Variants in GJC1 observed in about 807,000 individuals in gnomAD.
GJC1 encodes gap junction protein gamma 1.
In GJC1, 5 loss-of-function variants were observed where a neutral mutation model predicts 29.3. That is an observed-to-expected ratio of 0.17 (90% CI 0.09 to 0.36). GJC1 has a LOEUF of 0.36. Ranked by LOEUF, GJC1 falls within the 10% of genes least tolerant of loss-of-function variation. The pLI is 1.00. For synonymous variants in GJC1, 177 were observed against 183.3 expected (o/e 0.97, Z 0.28); for missense variants, 310 against 496.2 (o/e 0.62, Z 3.56).
At chr17:44,818,245 C>T (rs546157272) in intron 1 of GJC1, among the ~76,000 whole-genome samples, 41 of 152,014 alleles carry the variant, frequency 2.7e-4, no homozygotes, top group African/African-American at 9.6e-4. Context: ...AAAAAATGCA[C>T]AAACACCAGA....
At chr17:44,821,697 C>CAAAAAAAAAAAA (rs61303163) in intron 1 of GJC1, among the ~76,000 whole-genome samples, 18 of 58,360 alleles carry the variant, frequency 3.1e-4, no homozygotes, top group African/African-American at 5.4e-4. Context: ...AACTCCGTCT[C>CAAAAAAAAAAAA]AAAAAAAAAA....
At chr17:44,807,710 C>T (rs1417136144) in intron 1 of GJC1, 1 of 152,136 alleles carries the variant, frequency 6.6e-6, no homozygotes, top group East Asian at 1.9e-4. Flanking sequence ...GAATATACGA[C>T]AGGAAGATGC....
At chr17:44,824,808 T>C (rs992392214) in intron 1 of GJC1, among the ~76,000 whole-genome samples, 5 of 95,996 alleles carry the variant, frequency 5.2e-5, no homozygotes, top group Non-Finnish European at 2.1e-5. Flanking sequence ...AAGACTGTCT[T>C]AAAAAAAAAA....
rs572849213 is a variant in GJC1, at chr17:44,807,184, A to G, written c.-21+210T>C. Among the ~76,000 whole-genome samples the G allele has an allele frequency of 7.7e-4, 118 of 152,350 alleles. 1 individual carries two copies. The highest frequency in any genetic ancestry group is 9.6e-4 in the Non-Finnish European group (65 of 68,032). On this transcript the variant is annotated intron_variant, in intron 2 of 2. Transcript: ENST00000592524. ...CAACAGCAAATCCATTTAAAACAGC[A>G]TTTTAAAGGACAGATTCTTTCTGAG...
At chr17:44,812,256 C>T (rs2049991347) in intron 1 of GJC1, among the ~76,000 whole-genome samples, 2 of 152,056 alleles carry the variant, frequency 1.3e-5, no homozygotes, top group African/African-American at 2.4e-5. Context: ...ACCAGGGAGG[C>T]AGAGGCTGCA....
chr17:44,805,351 C>G lies in GJC1; in HGVS notation c.467G>C (p.Ser156Thr). ...GCCATCATGCTTAGGTTTGGGTTGG[C>G]TCTGCTCTTTATTTTCCTTATCACT... ...LESDKENKEQSQPKPKHDGRR... is the reference protein window; with the variant it reads ...LESDKENKEQTQPKPKHDGRR... Residue 156 changes from serine (S) to threonine (T), a missense_variant, in exon 3 of 3, where the codon AGC becomes ACC. By Grantham distance (58) the Ser-to-Thr change is moderately conservative (BLOSUM62 1). This residue lies in a region of GJC1 where 82 missense variants were observed against 100.7 expected (regional missense o/e 0.81). Transcript: ENST00000592524. The surrounding 1 kb of genome is among the most constrained non-coding windows in gnomAD (Gnocchi z 5.1). 6.2e-7 allele frequency: 1 copy of G among 1,614,192 alleles called. No homozygotes were observed.
chr17:44,804,876 G>A lies in GJC1; in HGVS notation c.942C>T (p.Asn314=). 6.2e-7 allele frequency: 1 copy of A among 1,614,164 alleles called. No homozygotes were observed. Among genetic ancestry groups the A allele is most frequent in the Non-Finnish European group, 8.5e-7 (1 of 1,180,024 alleles). Residue 314 remains asparagine, a synonymous_variant, in exon 3 of 3, where the codon AAC becomes AAT. Transcript: ENST00000592524. ...GCTGTTCCTGGGCTGTGTTGGCCTT[G>A]TTTTGCTTGTAGGCGATCTTAGCAT... ...LSNAKIAYKQ[N]KANTAQEQQY...
In GJC1 at chr17:44,799,690, G is replaced by T; in HGVS notation, c.*4937C>A. The T allele has an allele frequency of 6.6e-6, 1 of 152,394 alleles. No homozygotes were observed. The allele number at this position is 152,394 out of a possible 1,614,324, so 9.4% of individuals were successfully genotyped here. ...TCCCAGCACCTTCGGAGGCTGTGAT[G>T]GGAGGATTGCTTGGGCCCAGGAGTT... On this transcript the variant is annotated 3_prime_UTR_variant, in exon 3 of 3. Coordinates refer to ENST00000592524, the MANE Select transcript of GJC1 (RefSeq NM_005497.4).
At chr17:44,820,228 C>T (rs577722632) in intron 1 of GJC1, among the ~76,000 whole-genome samples, 4 of 152,296 alleles carry the variant, frequency 2.6e-5, no homozygotes, top group South Asian at 2.1e-4. Context: ...TCCCAAAGTG[C>T]TGGGATTACA....
In GJC1 at chr17:44,799,616, T is replaced by A. The variant is rs1288696483; in HGVS notation, c.*5011A>T. On this transcript the variant is annotated 3_prime_UTR_variant, in exon 3 of 3. Transcript: ENST00000592524. ...TTAATAACACATGAACCAAACCCACTTAATATCATTATTAAAAACAGGCTG... is the reference window on the plus strand; with the variant it reads ...TTAATAACACATGAACCAAACCCACATAATATCATTATTAAAAACAGGCTG... 1 of 152,078 alleles carries A rather than the reference T, an allele frequency of 6.6e-6. No homozygotes were observed. The highest frequency in any genetic ancestry group is 2.4e-5 in the African/African-American group (1 of 41,400). The allele number at this position is 152,078 out of a possible 1,614,324, so 9.4% of individuals were successfully genotyped here. A position where few individuals can be genotyped will look rare whatever the true frequency, so the allele number is the denominator to read the frequency against.
At chr17:44,830,902 CCATT>C (rs1219587644), upstream of GJC1, 20 of 388,434 alleles carry the variant, frequency 5.1e-5, no homozygotes, top group Non-Finnish European at 8.6e-5. This position sits in a 1 kb window ranked among gnomAD's most constrained non-coding sequence, Gnocchi z 4.3. Context: ...CAGCAGGATC[CCATT>C]CAGAGGACTT....
At chr17:44,823,748 G>A (rs1211344852) in intron 1 of GJC1, among the ~76,000 whole-genome samples, 1 of 147,512 alleles carries the variant, frequency 6.8e-6, no homozygotes, top group Non-Finnish European at 1.5e-5. Flanking sequence ...GTCTTGTTCT[G>A]TCGCCTAGCC....
At chr17:44,808,695 G>A (rs967283835) in intron 1 of GJC1, among the ~76,000 whole-genome samples, 1 of 152,232 alleles carries the variant, frequency 6.6e-6, no homozygotes, top group Non-Finnish European at 1.5e-5. Flanking sequence ...CCGGGAGGTA[G>A]AGGTTGCAGT....
At chr17:44,798,063 G>T (rs1299689136), downstream of GJC1, among the ~76,000 whole-genome samples, 1 of 152,118 alleles carries the variant, frequency 6.6e-6, no homozygotes, top group Non-Finnish European at 1.5e-5. Flanking sequence ...CAGAACCGAG[G>T]GAAGTCAAGG....
chr17:44,821,728 A>C (rs1408294762), intron 1 of GJC1, among the ~76,000 whole-genome samples: 4 of 138,214 alleles, frequency 2.9e-5, no homozygotes, highest in Admixed American at 1.4e-4. Context: ...AAAAAAAACA[A>C]CAAAAAAACA....
chr17:44,814,419 CG>C (rs1230236991), intron 1 of GJC1, among the ~76,000 whole-genome samples: 2 of 152,066 alleles, frequency 1.3e-5, no homozygotes, highest in African/African-American at 4.8e-5. Flanking sequence ...GGATTACAGG[CG>C]TGAGCCACCA....
chr17:44,820,021 C>G (rs2050091006), intron 1 of GJC1, among the ~76,000 whole-genome samples: 1 of 152,080 alleles, frequency 6.6e-6, no homozygotes, highest in Admixed American at 6.6e-5. Flanking sequence ...CCACACCTGG[C>G]TAATCATTCA....
At position 44,814,864 on chromosome 17, in the gene GJC1, C is replaced by A. The variant is rs183916801; in HGVS notation, c.-96-7395G>T. Among the ~76,000 whole-genome samples the A allele has an allele frequency of 6.6e-5, 10 of 152,140 alleles. No individual in the cohort carries two copies. The East Asian group carries it at 1.9e-3, about 29-fold the overall frequency. On this transcript the variant is annotated intron_variant, in intron 1 of 2. Coordinates refer to ENST00000592524, the MANE Select transcript of GJC1 (RefSeq NM_005497.4). The stretch of plus-strand genomic sequence containing the variant: ...GGCTGAGGCAGGAGAACCACTTGAA[C>A]CCGGGGGGCGGAGGTTGCAGTGAGA...
In GJC1 at chr17:44,805,187, T is replaced by C; in HGVS notation, c.631A>G (p.Arg211Gly). 6.2e-7 allele frequency: 1 copy of C among 1,614,168 alleles called. No individual in the cohort carries two copies. The highest frequency in any genetic ancestry group is 8.5e-7 in the Non-Finnish European group (1 of 1,180,026). ...FQVHPFYVCS[R>G]LPCPHKIDCF... is the part of the protein sequence containing the mutation. ...TCTATCTTATGAGGACAAGGAAGTCTGCTGCACACATAAAACGGGTGGACT... is the reference window on the plus strand; with the variant it reads ...TCTATCTTATGAGGACAAGGAAGTCCGCTGCACACATAAAACGGGTGGACT... The change falls in exon 3 of 3, where the codon AGA becomes GGA. Residue 211 changes from arginine (R) to glycine (G), a missense_variant. By Grantham distance (125) the Arg-to-Gly change is moderately radical. Around this residue, in one of 4 missense-constraint regions of GJC1, gnomAD observed 45 missense variants for 126.2 expected, o/e 0.36. Transcript: ENST00000592524. The surrounding 1 kb of genome is among the most constrained non-coding windows in gnomAD (Gnocchi z 5.1).
Sources: allele counts gnomAD v4.1 joint callset (sites outside exome capture counted in the v4.1 genomes callset), GRCh38; gene constraint gnomAD v4.1.1; regional missense constraint gnomAD v4.1.1; non-coding constraint Gnocchi (gnomAD v3.1); transcripts MANE v1.5; gene names NCBI Gene and HGNC (gene_info 2026-07-23, HGNC 2026-07-21).